PELI2: variants seen among roughly 807,000 people sequenced by gnomAD.
PELI2 encodes pellino E3 ubiquitin protein ligase family member 2, also known as E3 ubiquitin-protein ligase pellino homolog 2.
PELI2 carries 23 observed loss-of-function variants against 42.3 expected under a neutral mutation model. That is an observed-to-expected ratio of 0.54 (90% CI 0.39 to 0.77). PELI2 has a LOEUF of 0.77. PELI2 is among the 30% of genes least tolerant of loss of function. The probability of loss-of-function intolerance (pLI) is 0.00; values close to 1 mark genes in which losing one functional copy is unlikely to be tolerated. For synonymous variants in PELI2, 245 were observed against 212.2 expected (o/e 1.15, Z -1.34); for missense variants, 463 against 553.2 (o/e 0.84, Z 1.64).
chr14:56,143,304 A>G (rs1007912398), intron 1 of PELI2, among the ~76,000 whole-genome samples: 1 of 152,250 alleles, frequency 6.6e-6, no homozygotes, highest in Non-Finnish European at 1.5e-5. Context: ...AGCAGGATAC[A>G]CTGCATACAA....
chr14:56,118,809 C>G, intron 1 of PELI2, 72 bp downstream of exon 1: 2 of 1,054,166 alleles, frequency 1.9e-6, no homozygotes, highest in South Asian at 3.3e-5. Context: ...GCGGGGCTGG[C>G]GGGGTGGCTC....
At chr14:56,159,822 T>A (rs1328225590) in intron 1 of PELI2, among the ~76,000 whole-genome samples, 1 of 152,184 alleles carries the variant, frequency 6.6e-6, no homozygotes, top group Non-Finnish European at 1.5e-5. Flanking sequence ...CACCTTCAAG[T>A]TGGTCAGTGA....
chr14:56,266,314 T>C (rs1348038245), intron 2 of PELI2, among the ~76,000 whole-genome samples: 1 of 152,004 alleles, frequency 6.6e-6, no homozygotes, highest in African/African-American at 2.4e-5. Flanking sequence ...CACAACACTT[T>C]AAAGTCAAAA....
chr14:56,162,538 A>T (rs1884803741), intron 1 of PELI2, among the ~76,000 whole-genome samples: 1 of 152,186 alleles, frequency 6.6e-6, no homozygotes. Flanking sequence ...TTGCTTCCAA[A>T]TCTTAGCTCT....
At chr14:56,211,219 A>G in intron 2 of PELI2, among the ~76,000 whole-genome samples, 1 of 152,136 alleles carries the variant, frequency 6.6e-6, no homozygotes. Context: ...TGCTGAAGCA[A>G]CTTTAGCCAG....
chr14:56,153,141 A>G (rs1884424539), intron 1 of PELI2, among the ~76,000 whole-genome samples: 2 of 152,202 alleles, frequency 1.3e-5, no homozygotes, highest in South Asian at 4.1e-4. Context: ...TTACATTAGC[A>G]TTTTAAAAAA....
chr14:56,146,331 T>G (rs1370450174), intron 1 of PELI2, among the ~76,000 whole-genome samples: 2 of 152,224 alleles, frequency 1.3e-5, no homozygotes, highest in Non-Finnish European at 2.9e-5. Flanking sequence ...CAGTACAAAC[T>G]GGGACATTGA....
At chr14:56,126,340 C>T (rs1883258934) in intron 1 of PELI2, among the ~76,000 whole-genome samples, 1 of 152,210 alleles carries the variant, frequency 6.6e-6, no homozygotes, top group African/African-American at 2.4e-5. Context: ...TTTTCAGCAG[C>T]AGGTTTAAGG....
chr14:56,249,165 A>G (rs969053196), intron 2 of PELI2, among the ~76,000 whole-genome samples: 91 of 152,308 alleles, frequency 6.0e-4, no homozygotes, highest in African/African-American at 2.1e-3. Flanking sequence ...AAACATTCAC[A>G]TATGAGAATT....
intron 1 of PELI2, among the ~76,000 whole-genome samples, chr14:56,161,620 T>A (rs1438590648): frequency 6.6e-6 from 1 of 152,200 alleles, no homozygotes; most frequent in Non-Finnish European, 1.5e-5. Flanking sequence ...CCTGGCTGAG[T>A]CTGTCAAAAG....
intron 4 of PELI2, among the ~76,000 whole-genome samples, chr14:56,289,324 C>T (rs148792910): frequency 7.9e-5 from 12 of 152,280 alleles, no homozygotes; most frequent in African/African-American, 2.2e-4. Context: ...TTCTGCCTCC[C>T]GTGGTGCACC....
Position 56,300,150 on chromosome 14 carries a change from T to C in PELI2, c.*2984T>C, listed in dbSNP as rs1398703154. On this transcript the variant is annotated 3_prime_UTR_variant, in exon 6 of 6. Coordinates refer to ENST00000267460, the MANE Select transcript of PELI2 (RefSeq NM_021255.3). ...ATATAAATAGAGAACATATTTATCA[T>C]TCCTCGATAGTTAATTATAGACTTT... 6.6e-6 allele frequency: 1 copy of C among 152,660 alleles called. No homozygotes were observed. Among genetic ancestry groups the C allele is most frequent in the East Asian group, 1.9e-4 (1 of 5,194 alleles). The allele number at this position is 152,660 out of a possible 1,614,324, so 9.5% of individuals were successfully genotyped here. A position where few individuals can be genotyped will look rare whatever the true frequency, so the allele number is the denominator to read the frequency against.
chr14:56,161,103 A>G (rs925684962), intron 1 of PELI2, among the ~76,000 whole-genome samples: 5 of 152,218 alleles, frequency 3.3e-5, no homozygotes, highest in African/African-American at 1.2e-4. Flanking sequence ...CAGGTCTGGC[A>G]TAGAAGACTG....
intron 1 of PELI2, among the ~76,000 whole-genome samples, chr14:56,159,005 A>C (rs1429477871): frequency 6.6e-6 from 1 of 152,240 alleles, no homozygotes; most frequent in East Asian, 1.9e-4. Flanking sequence ...TCTTTCTGAA[A>C]GAGTATTCTT....
intron 1 of PELI2, among the ~76,000 whole-genome samples, chr14:56,157,140 A>C (rs1884597017): frequency 1.3e-5 from 2 of 152,328 alleles, no homozygotes; most frequent in Non-Finnish European, 2.9e-5. Flanking sequence ...TAATGTGTCA[A>C]ACTAAAATTA....
chr14:56,151,103 C>G (rs1304515974), intron 1 of PELI2, among the ~76,000 whole-genome samples: 1 of 152,214 alleles, frequency 6.6e-6, no homozygotes, highest in Non-Finnish European at 1.5e-5. Context: ...GTGCTTCTGA[C>G]CCGTGTTCTG....
intron 2 of PELI2, among the ~76,000 whole-genome samples, chr14:56,229,905 A>C (rs905167157): frequency 6.6e-6 from 1 of 152,210 alleles, no homozygotes; most frequent in Non-Finnish European, 1.5e-5. Context: ...AAGACCTTAA[A>C]TGACTTGATG....
chr14:56,217,653 A>G lies in PELI2; in HGVS notation c.207+39189A>G, dbSNP rs115946430. 4.9e-3 allele frequency among the ~76,000 whole-genome samples: 745 copies of G among 152,354 alleles called. 3 individuals carry two copies. The highest frequency in any genetic ancestry group is 0.017 in the African/African-American group (712 of 41,576). On this transcript the variant is annotated intron_variant, in intron 2 of 5. Transcript: ENST00000267460. ...TTCATTCTGCTCCACATTAAAAGCTAGACATACATTTCATTATAGGAAAAG... is the reference window on the plus strand; with the variant it reads ...TTCATTCTGCTCCACATTAAAAGCTGGACATACATTTCATTATAGGAAAAG...
At chr14:56,281,793 C>T (rs1281987843) in intron 3 of PELI2, among the ~76,000 whole-genome samples, 1 of 151,982 alleles carries the variant, frequency 6.6e-6, no homozygotes, top group Non-Finnish European at 1.5e-5. Flanking sequence ...CTAAGTAACT[C>T]TTAAAAATAA....
Sources: gnomAD v4.1 joint callset for allele counts (sites outside exome capture counted in the v4.1 genomes callset) on GRCh38, gnomAD v4.1.1 for gene constraint, MANE v1.5 for transcripts, NCBI Gene and HGNC (gene_info 2026-07-23, HGNC 2026-07-21) for gene names.